Variants in PHKB observed in about 807,000 individuals in gnomAD.
PHKB encodes phosphorylase b kinase regulatory subunit beta.
PHKB carries 122 observed loss-of-function variants against 152.1 expected under a neutral mutation model. The ratio of observed to expected loss-of-function variants is 0.80; its 90% CI spans 0.69 to 0.93. PHKB has a LOEUF of 0.93. PHKB is among the 40% of genes least tolerant of loss of function. The probability of loss-of-function intolerance (pLI) is 0.00; values close to 1 mark genes in which losing one functional copy is unlikely to be tolerated. For synonymous variants in PHKB, 436 were observed against 464.9 expected (o/e 0.94, Z 0.80); for missense variants, 1,304 against 1,328.4 (o/e 0.98, Z 0.29).
At chr16:47,608,652 C>T (rs570845336) in intron 13 of PHKB, among the ~76,000 whole-genome samples, 13 of 152,254 alleles carry the variant, frequency 8.5e-5, no homozygotes, top group Admixed American at 6.5e-4. Context: ...GTGAAAGTTG[C>T]GATTGTGCCA....
In PHKB at chr16:47,606,559, T is replaced by G. The variant is rs141488096; in HGVS notation, c.1364-4267T>G. ...TTTAGAAGTTGGATTTTTGTTTTTG[T>G]TTTTGTTCAATTAATTTGCACATGT... On this transcript the variant is annotated intron_variant, in intron 13 of 30. Coordinates refer to ENST00000323584, the MANE Select transcript of PHKB (RefSeq NM_000293.3). 1.6e-3 allele frequency among the ~76,000 whole-genome samples: 250 copies of G among 152,358 alleles called. 4 individuals are homozygous for G. The East Asian group carries it at 0.042, about 25-fold the overall frequency.
chr16:47,545,210 T>A (rs945067773), intron 6 of PHKB, among the ~76,000 whole-genome samples: 3 of 152,238 alleles, frequency 2.0e-5, no homozygotes, highest in Non-Finnish European at 2.9e-5. Flanking sequence ...CCATCTGGCA[T>A]GTTTTTGGAG....
chr16:47,560,840 A>C (rs1321254282), intron 7 of PHKB, among the ~76,000 whole-genome samples: 2 of 152,180 alleles, frequency 1.3e-5, no homozygotes, highest in African/African-American at 4.8e-5. Flanking sequence ...TTATATATTT[A>C]TTTTATATCA....
intron 14 of PHKB, among the ~76,000 whole-genome samples, chr16:47,630,625 T>C (rs1332878446): frequency 2.0e-5 from 3 of 152,232 alleles, no homozygotes; most frequent in Non-Finnish European, 4.4e-5. Context: ...ATGTAGCATG[T>C]TCCTGCACCC....
intron 1 of PHKB, among the ~76,000 whole-genome samples, chr16:47,473,383 G>A (rs1336973335): frequency 6.6e-6 from 1 of 151,686 alleles, no homozygotes. Context: ...CCTCTGTGAT[G>A]TATTTTGAAT....
chr16:47,674,647 G>A (rs58190241), intron 26 of PHKB, among the ~76,000 whole-genome samples: 16,054 of 152,186 alleles, frequency 0.11, 1,731 homozygotes, highest in African/African-American at 0.28. Context: ...TACTTTCAAG[G>A]TCAGTATTTG....
intron 20 of PHKB, among the ~76,000 whole-genome samples, chr16:47,660,258 C>G (rs988161679): frequency 6.6e-6 from 1 of 152,144 alleles, no homozygotes; most frequent in African/African-American, 2.4e-5. Context: ...GAGAGTCCAT[C>G]TCATGTTGAC....
At chr16:47,461,509 G>A in intron 1 of PHKB, 83 bp downstream of exon 1, 1 of 1,419,694 alleles carries the variant, frequency 7.0e-7, no homozygotes, top group Non-Finnish European at 9.9e-7. Context: ...AGGCAGGTGG[G>A]GGCCCTGGGA....
chr16:47,638,474 A>G (rs1480149042), intron 14 of PHKB, among the ~76,000 whole-genome samples: 1 of 152,234 alleles, frequency 6.6e-6, no homozygotes, highest in African/African-American at 2.4e-5. Flanking sequence ...AGATAGGGAC[A>G]ATTATTATAT....
chr16:47,463,435 A>G (rs1486396055), intron 1 of PHKB: 1 of 160,944 alleles, frequency 6.2e-6, no homozygotes, highest in African/African-American at 2.4e-5. Flanking sequence ...TCTTGTAAGT[A>G]TATGAAGTAC....
rs1435184184 is a variant in PHKB, at chr16:47,700,988, C to T, written c.*1622C>T. The T allele has an allele frequency of 1.3e-5, 2 of 151,908 alleles. No homozygotes were observed. The highest frequency in any genetic ancestry group is 4.8e-5 in the African/African-American group (2 of 41,336). The allele number at this position is 151,908 out of a possible 1,614,324, so 9.4% of individuals were successfully genotyped here. On this transcript the variant is annotated 3_prime_UTR_variant, in exon 31 of 31. Coordinates refer to ENST00000323584, the MANE Select transcript of PHKB (RefSeq NM_000293.3). ...TTGAAATGAATGAGACACAGTTGGG[C>T]CCTAAAGAACTAAGGAGGGGGATTG...
intron 14 of PHKB, among the ~76,000 whole-genome samples, chr16:47,629,933 C>A (rs1336252631): frequency 2.0e-5 from 3 of 150,422 alleles, no homozygotes; most frequent in African/African-American, 7.3e-5. Flanking sequence ...AACAAAAAAC[C>A]AAACACCGCA....
intron 14 of PHKB, among the ~76,000 whole-genome samples, chr16:47,618,422 G>A (rs938982631): frequency 5.3e-5 from 8 of 151,776 alleles, no homozygotes; most frequent in South Asian, 4.2e-4. Context: ...GTCTTTCCTC[G>A]TTATTTCTGT....
intron 7 of PHKB, chr16:47,565,178 T>G: frequency 1.7e-6 from 1 of 581,366 alleles, no homozygotes; most frequent in Non-Finnish European, 3.3e-6. Context: ...TAGATTTTCC[T>G]TGGGTTTATA....
At chr16:47,659,664 A>G (rs1461884802) in intron 20 of PHKB, among the ~76,000 whole-genome samples, 1 of 152,214 alleles carries the variant, frequency 6.6e-6, no homozygotes, top group Non-Finnish European at 1.5e-5. Context: ...GGGTAGCCAT[A>G]TGCCAGAATG....
Position 47,515,505 on chromosome 16 carries a change from T to C in PHKB, c.514-16T>C, listed in dbSNP as rs375825926. The C allele has an allele frequency of 2.5e-6, 3 of 1,196,120 alleles. No homozygotes were observed. Among genetic ancestry groups the C allele is most frequent in the Admixed American group, 1.7e-5 (1 of 59,510 alleles). The allele number at this position is 1,196,120 out of a possible 1,614,324, so 74.1% of individuals were successfully genotyped here. On this transcript the variant is annotated splice_polypyrimidine_tract_variant and intron_variant, in intron 5 of 30. Coordinates refer to ENST00000323584, the MANE Select transcript of PHKB (RefSeq NM_000293.3). ...GGTTGTTTCCTTTAACCTTTTAATG[T>C]TTCTGTTTGTTGCAGATAAATGCAG...
chr16:47,600,459 T>C (rs1226187773), intron 13 of PHKB, among the ~76,000 whole-genome samples: 7 of 152,230 alleles, frequency 4.6e-5, no homozygotes, highest in Non-Finnish European at 7.3e-5. Context: ...TTATTCAAAT[T>C]TGAAAGTTTA....
intron 18 of PHKB, among the ~76,000 whole-genome samples, 189 bp from the exon 19 acceptor site, chr16:47,650,355 A>G (rs1180430539): frequency 6.6e-6 from 1 of 152,262 alleles, no homozygotes; most frequent in African/African-American, 2.4e-5. Flanking sequence ...AGTGGTGTTC[A>G]GCATAACTTG....
At chr16:47,648,638 A>T in intron 17 of PHKB, 22 bp downstream of exon 17, 1 of 1,560,444 alleles carries the variant, frequency 6.4e-7, no homozygotes. Flanking sequence ...ATGTCCTCAA[A>T]AAGTAGTTTT....
Sources: allele counts gnomAD v4.1 joint callset (sites outside exome capture counted in the v4.1 genomes callset), GRCh38; gene constraint gnomAD v4.1.1; transcripts MANE v1.5; gene names NCBI Gene and HGNC (gene_info 2026-07-23, HGNC 2026-07-21).